GLIS3: variants seen among roughly 807,000 people sequenced by gnomAD.
The protein encoded by GLIS3 is GLIS family zinc finger 3, also known as zinc finger protein GLIS3.
Under a neutral mutation model 78.6 loss-of-function variants are expected in GLIS3, and 53 were observed. The ratio of observed to expected loss-of-function variants is 0.67; its 90% CI spans 0.54 to 0.85. The LOEUF (loss-of-function observed/expected upper bound fraction) is 0.85, where lower values mean the gene tolerates loss of function less well. Among genes scored for constraint, GLIS3 ranks in the 40% least tolerant of loss-of-function variants. The pLI is 0.00. For synonymous variants in GLIS3, 684 were observed against 509.9 expected, an observed-to-expected ratio of 1.34 and a Z score of -4.60; for missense variants, 1,703 against 1,231.1, an observed-to-expected ratio of 1.38 and a Z score of -5.74.
the GLIS3 span, among the ~76,000 whole-genome samples, chr9:4,444,678 A>T: frequency 6.6e-6 from 1 of 152,232 alleles, no homozygotes; most frequent in Non-Finnish European, 1.5e-5. Flanking sequence ...CCTTTAGATG[A>T]ACACATATGA....
rs377079453 is a variant in GLIS3 at position 4,286,273 on chromosome 9, C to G, written c.153G>C (p.Met51Ile). The change falls in exon 2 of 11, where the codon ATG becomes ATC. Residue 51 changes from methionine (M) to isoleucine (I), a missense_variant. Met to Ile is a conservative substitution (Grantham distance 10). Coordinates refer to ENST00000381971, the MANE Select transcript of GLIS3 (RefSeq NM_001042413.2). ...SPCGSTSSPT[M>I]ASLANNLHLK... ...GATGGAGGTTGTTAGCAAGGCTTGC[C>G]ATAGTGGGACTCGATGTGCTGCCAC... The G allele has an allele frequency of 2.2e-5, 35 of 1,614,200 alleles. No individual in the cohort carries two copies. In the African/African-American group the frequency reaches 3.1e-4, roughly 14 times the overall value.
intron 2 of GLIS3, among the ~76,000 whole-genome samples, chr9:4,343,551 T>C (rs1021928458): frequency 6.6e-6 from 1 of 152,196 alleles, no homozygotes; most frequent in Non-Finnish European, 1.5e-5. Context: ...AACCCAGCAA[T>C]CCCATTACTT....
In GLIS3 at chr9:3,859,605, C is replaced by T. The variant is rs144327336; in HGVS notation, c.2298-3421G>A. Among the ~76,000 whole-genome samples, 16 of 152,304 alleles carry T rather than the reference C, an allele frequency of 1.1e-4. No homozygotes were observed. The East Asian group carries it at 3.1e-3, about 29-fold the overall frequency. ...TGTCAGATCAAGATGACATCACTCC[C>T]ATTCATCTTCAGTTACAGCGTGTCC... On this transcript the variant is annotated intron_variant, in intron 8 of 10. Coordinates refer to ENST00000381971, the MANE Select transcript of GLIS3 (RefSeq NM_001042413.2).
At chr9:4,218,792 C>G (rs1821076654) in intron 2 of GLIS3, among the ~76,000 whole-genome samples, 1 of 152,200 alleles carries the variant, frequency 6.6e-6, no homozygotes. Flanking sequence ...CATCACCTTT[C>G]TCCTAGTCTC....
chr9:4,194,036 C>T (rs12002902), intron 2 of GLIS3, among the ~76,000 whole-genome samples: 23,521 of 152,030 alleles, frequency 0.15, 2,623 homozygotes, highest in African/African-American at 0.31. Flanking sequence ...TTGGCCTTGC[C>T]GCTTTATTTT....
intron 4 of GLIS3, among the ~76,000 whole-genome samples, chr9:4,058,973 C>A (rs1563997232): frequency 6.6e-6 from 1 of 150,474 alleles, no homozygotes; most frequent in East Asian, 1.9e-4. Flanking sequence ...CAGAGCAAGA[C>A]TCCATCTCAA....
At chr9:4,200,627 C>T (rs1181677673) in intron 2 of GLIS3, among the ~76,000 whole-genome samples, 1 of 152,016 alleles carries the variant, frequency 6.6e-6, no homozygotes, top group African/African-American at 2.4e-5. Context: ...AAACCCTGAA[C>T]AGACCAATAT....
intron 4 of GLIS3, among the ~76,000 whole-genome samples, chr9:4,117,378 G>A (rs1246933948): frequency 1.3e-5 from 2 of 152,178 alleles, no homozygotes; most frequent in Non-Finnish European, 2.9e-5. Context: ...TTATTGGAGG[G>A]AAGAAAAAGT....
chr9:4,296,609 A>C (rs1428613771), intron 1 of GLIS3, among the ~76,000 whole-genome samples: 1 of 152,200 alleles, frequency 6.6e-6, no homozygotes, highest in South Asian at 2.1e-4. Context: ...TCAGGGGATC[A>C]ACGATGCTGT....
rs1818912428 is a variant in GLIS3, at chr9:3,977,782, GA to G, written c.1711-40594del. ...TGACTACCCCTTTCACCAAAGAGGAGAAAAAAATATTCTTAATTGAATTGAA... is the reference window on the plus strand; with the variant it reads ...TGACTACCCCTTTCACCAAAGAGGAGAAAAAATATTCTTAATTGAATTGAA... On this transcript the variant is annotated intron_variant, in intron 4 of 10. Coordinates refer to ENST00000381971, the MANE Select transcript of GLIS3 (RefSeq NM_001042413.2). This position sits in a 1 kb window ranked among gnomAD's most constrained non-coding sequence, Gnocchi z 4.1. Among the ~76,000 whole-genome samples the G allele has an allele frequency of 6.6e-6, 1 of 152,090 alleles. No homozygotes were observed. The highest frequency in any genetic ancestry group is 2.4e-5 in the African/African-American group (1 of 41,412).
intron 4 of GLIS3, among the ~76,000 whole-genome samples, chr9:4,030,314 G>A (rs1266397732): frequency 6.6e-6 from 1 of 152,060 alleles, no homozygotes; most frequent in Non-Finnish European, 1.5e-5. Flanking sequence ...TTTTCCTAGA[G>A]TTATTTGAGT....
chr9:3,958,319 C>T (rs541222061), intron 4 of GLIS3, among the ~76,000 whole-genome samples: 1 of 152,184 alleles, frequency 6.6e-6, no homozygotes, highest in Admixed American at 6.5e-5. Context: ...TGTGCTATGC[C>T]ATGGGCCAGA....
At chr9:4,097,863 A>C (rs1340044690) in intron 4 of GLIS3, among the ~76,000 whole-genome samples, 1 of 152,172 alleles carries the variant, frequency 6.6e-6, no homozygotes, top group African/African-American at 2.4e-5. Context: ...GACACACACA[A>C]AAAAACCCCA....
intron 2 of GLIS3, among the ~76,000 whole-genome samples, chr9:4,227,306 CAAAAA>C (rs35096957): frequency 1.5e-5 from 2 of 136,770 alleles, no homozygotes; most frequent in Non-Finnish European, 1.6e-5. Flanking sequence ...GTTATGTTAC[CAAAAA>C]AAAAAAAAAA....
chr9:3,974,611 A>G (rs1466470626), intron 4 of GLIS3, among the ~76,000 whole-genome samples: 1 of 152,188 alleles, frequency 6.6e-6, no homozygotes, highest in Non-Finnish European at 1.5e-5. Flanking sequence ...TCCCTAATGC[A>G]GAGGGCTGAG....
intron 2 of GLIS3, among the ~76,000 whole-genome samples, chr9:4,193,295 G>A (rs956698508): frequency 2.0e-5 from 3 of 152,170 alleles, no homozygotes; most frequent in African/African-American, 7.2e-5. Context: ...TCAAATCTTG[G>A]TGCCAATAAA....
At chr9:3,963,540 G>C (rs945796598) in intron 4 of GLIS3, among the ~76,000 whole-genome samples, 2 of 152,144 alleles carry the variant, frequency 1.3e-5, no homozygotes, top group African/African-American at 4.8e-5. Flanking sequence ...TAGTGACTCA[G>C]CCAGAGTAAA....
intron 2 of GLIS3, among the ~76,000 whole-genome samples, chr9:4,187,409 T>G (rs1216366285): frequency 2.0e-5 from 3 of 152,216 alleles, no homozygotes; most frequent in Non-Finnish European, 4.4e-5. Context: ...CCTTGTAGTA[T>G]AGTTTGAAGT....
intron 2 of GLIS3, among the ~76,000 whole-genome samples, chr9:4,206,188 C>A (rs563164963): frequency 6.6e-6 from 1 of 152,100 alleles, no homozygotes; most frequent in Non-Finnish European, 1.5e-5. Flanking sequence ...GAAAGGGAAT[C>A]TTAATAGTGA....
Sources: gnomAD v4.1 joint callset for allele counts (sites outside exome capture counted in the v4.1 genomes callset) on GRCh38, gnomAD v4.1.1 for gene constraint, Gnocchi (gnomAD v3.1) non-coding constraint, MANE v1.5 for transcripts, NCBI Gene and HGNC (gene_info 2026-07-23, HGNC 2026-07-21) for gene names.